KALRN: variants seen among roughly 807,000 people sequenced by gnomAD.
The protein encoded by KALRN is kalirin RhoGEF kinase.
A neutral mutation model predicts 353.7 loss-of-function variants in KALRN; 70 were observed. The observed-to-expected ratio is 0.20, with a 90% CI of 0.16 to 0.24. The LOEUF is 0.24. KALRN is among the 10% of genes least tolerant of loss of function. The probability of loss-of-function intolerance (pLI) is 1.00; values close to 1 mark genes in which losing one functional copy is unlikely to be tolerated. For synonymous variants in KALRN, 1,391 were observed against 1,434.8 expected, an observed-to-expected ratio of 0.97 and a Z score of 0.69; for missense variants, 2,791 against 3,756.7, an observed-to-expected ratio of 0.74 and a Z score of 6.72.
intron 6 of KALRN, among the ~76,000 whole-genome samples, chr3:124,305,944 T>G (rs1580750148): frequency 6.6e-6 from 1 of 152,262 alleles, no homozygotes; most frequent in Middle Eastern, 3.4e-3. Context: ...AGCAACCAGA[T>G]GTCAGATTTT....
At position 124,654,131 on chromosome 3, in the gene KALRN, G is replaced by A. The variant is rs989884546; in HGVS notation, c.5796-1470G>A. On this transcript the variant is annotated intron_variant, in intron 38 of 59. Coordinates refer to ENST00000682506, the MANE Select transcript of KALRN (RefSeq NM_001388419.1). Reference sequence around the variant, plus strand: ...CCCATATTCCCACTCTAACTTTCCTGTGGGTTTTCTTTTGCCACTTTCTAC... The same window carrying A: ...CCCATATTCCCACTCTAACTTTCCTATGGGTTTTCTTTTGCCACTTTCTAC... Among the ~76,000 whole-genome samples the A allele has an allele frequency of 6.6e-5, 10 of 152,220 alleles. No homozygotes were observed. In the East Asian group the frequency reaches 1.7e-3, roughly 26 times the overall value.
intron 49 of KALRN, among the ~76,000 whole-genome samples, chr3:124,675,626 G>A (rs964733015): frequency 2.0e-5 from 3 of 149,994 alleles, no homozygotes; most frequent in South Asian, 2.1e-4. Flanking sequence ...GTTCTGACCC[G>A]GGCCTTCCCT....
chr3:124,046,764 T>C (rs1444257238), intron 1 of KALRN, among the ~76,000 whole-genome samples: 1 of 152,220 alleles, frequency 6.6e-6, no homozygotes, highest in Non-Finnish European at 1.5e-5. Context: ...TTGGAGGCCC[T>C]ACTTTGGAAA....
At chr3:124,513,062 G>T (rs1324375333) in intron 33 of KALRN, among the ~76,000 whole-genome samples, 1 of 152,146 alleles carries the variant, frequency 6.6e-6, no homozygotes, top group Non-Finnish European at 1.5e-5. Flanking sequence ...GTCAGACAGT[G>T]AATTCAGGCT....
In KALRN at chr3:124,591,720, A is replaced by G. The variant is rs9854662; in HGVS notation, c.5182+28631A>G. On this transcript the variant is annotated intron_variant, in intron 34 of 59. Coordinates refer to ENST00000682506, the MANE Select transcript of KALRN (RefSeq NM_001388419.1). Reference sequence around the variant, plus strand: ...TATTAACCATAGCAGTAATTGTAATACTAGACATAGACCCCATCCTCAGGG... The same window carrying G: ...TATTAACCATAGCAGTAATTGTAATGCTAGACATAGACCCCATCCTCAGGG... Among the ~76,000 whole-genome samples the G allele has an allele frequency of 3.3e-5, 5 of 152,336 alleles. No individual in the cohort carries two copies. In the South Asian group the frequency reaches 8.3e-4, roughly 25 times the overall value.
intron 1 of KALRN, among the ~76,000 whole-genome samples, chr3:124,150,830 A>C (rs2067998132): frequency 1.3e-5 from 2 of 152,168 alleles, no homozygotes. Context: ...CATTATGAGC[A>C]CCCTAGAACA....
At chr3:124,715,324 G>A (rs1476772177) in intron 58 of KALRN, among the ~76,000 whole-genome samples, 1 of 152,154 alleles carries the variant, frequency 6.6e-6, no homozygotes, top group African/African-American at 2.4e-5. Context: ...CTCCCCTTAG[G>A]TGGTCACCAG....
In KALRN at chr3:124,269,230, G is replaced by A. The variant is rs1458418566; in HGVS notation, c.944G>A (p.Arg315Gln). 1 of 1,600,382 alleles carries A rather than the reference G, an allele frequency of 6.2e-7. No individual in the cohort carries two copies. Among genetic ancestry groups the A allele is most frequent in the Non-Finnish European group, 8.6e-7 (1 of 1,169,576 alleles). Reference sequence around the variant, plus strand: ...AAGCTGGACCAGTGCTTTCAGCTGCGGCTCTTCGAGCAGGATGCTGAGAAG... The same window carrying A: ...AAGCTGGACCAGTGCTTTCAGCTGCAGCTCTTCGAGCAGGATGCTGAGAAG... Reference protein sequence around the residue: ...KLKLDQCFQLRLFEQDAEKMF... With the variant: ...KLKLDQCFQLQLFEQDAEKMF... The change falls in exon 5 of 60, where the codon CGG becomes CAG. Residue 315 changes from arginine to glutamine, a missense_variant. Physicochemically the swap from Arg to Gln is conservative, Grantham distance 43. Around this residue, in one of 11 missense-constraint regions of KALRN, gnomAD observed 366 missense variants for 489.2 expected, o/e 0.75. Transcript: ENST00000682506.
At chr3:124,146,920 T>TTAGTAAA (rs1424155899) in intron 1 of KALRN, among the ~76,000 whole-genome samples, 2 of 128,330 alleles carry the variant, frequency 1.6e-5, no homozygotes, top group Non-Finnish European at 3.4e-5. Flanking sequence ...GAGGTGGGGG[T>TTAGTAAA]TAGTAAATCC....
At chr3:124,429,363 G>A (rs760831410) in intron 15 of KALRN, among the ~76,000 whole-genome samples, 1 of 152,150 alleles carries the variant, frequency 6.6e-6, no homozygotes, top group Non-Finnish European at 1.5e-5. Flanking sequence ...ACTGGGCTTG[G>A]TATTTTCTAA....
chr3:124,325,012 G>GAAA (rs2149395691), intron 6 of KALRN, among the ~76,000 whole-genome samples: 1 of 152,290 alleles, frequency 6.6e-6, no homozygotes, highest in Non-Finnish European at 1.5e-5. Context: ...TGACACCTCA[G>GAAA]ACAACTAATA....
rs546694401 is a variant in KALRN, at chr3:124,532,335, G to A, written c.4936-30508G>A. On this transcript the variant is annotated intron_variant, in intron 33 of 59. Transcript: ENST00000682506. ...CGTAGCTTGTGGTATCACTGCCAGG[G>A]CAAATTCCAATGTAAACCACATTCA... Among the ~76,000 whole-genome samples the A allele has an allele frequency of 9.2e-5, 14 of 152,306 alleles. No individual in the cohort carries two copies. In the South Asian group the frequency reaches 2.9e-3, roughly 32 times the overall value.
At chr3:124,145,375 T>G (rs2067205907) in intron 1 of KALRN, among the ~76,000 whole-genome samples, 1 of 152,190 alleles carries the variant, frequency 6.6e-6, no homozygotes, top group Non-Finnish European at 1.5e-5. Context: ...ATGCCCAAGC[T>G]TCACCCCAGA....
chr3:124,355,789 C>T (rs1306400518), intron 10 of KALRN, among the ~76,000 whole-genome samples: 1 of 138,074 alleles, frequency 7.2e-6, no homozygotes, highest in Non-Finnish European at 1.5e-5. Flanking sequence ...AACCTTGGCT[C>T]ACTGCAATCT....
chr3:124,386,452 T>C (rs576258326), intron 11 of KALRN, among the ~76,000 whole-genome samples: 2 of 152,204 alleles, frequency 1.3e-5, no homozygotes, highest in South Asian at 2.1e-4. Flanking sequence ...TCCATGGAAC[T>C]ACCACTCCCA....
chr3:124,190,387 C>T (rs994097794), intron 1 of KALRN, among the ~76,000 whole-genome samples: 3 of 152,154 alleles, frequency 2.0e-5, no homozygotes, highest in Non-Finnish European at 4.4e-5. Context: ...ACTATTTCTG[C>T]ATTCATCTGT....
chr3:124,519,681 AAG>A, intron 33 of KALRN: 1 of 985,438 alleles, frequency 1.0e-6, no homozygotes, highest in Non-Finnish European at 1.2e-6. Context: ...TCTCAATGCA[AAG>A]TGTCATTCTC....
intron 1 of KALRN, among the ~76,000 whole-genome samples, chr3:124,102,707 G>A (rs2061978816): frequency 6.6e-6 from 1 of 152,192 alleles, no homozygotes; most frequent in African/African-American, 2.4e-5. Context: ...TTCCCTGAGG[G>A]CAAGCCCTTG....
chr3:124,258,846 G>A (rs1185434461), intron 3 of KALRN, among the ~76,000 whole-genome samples: 1 of 152,242 alleles, frequency 6.6e-6, no homozygotes, highest in East Asian at 1.9e-4. Context: ...TTTGAGACCT[G>A]CTGATTCAGA....
Sources: allele counts gnomAD v4.1 joint callset (sites outside exome capture counted in the v4.1 genomes callset), GRCh38; gene constraint gnomAD v4.1.1; regional missense constraint gnomAD v4.1.1; transcripts MANE v1.5; gene names NCBI Gene and HGNC (gene_info 2026-07-23, HGNC 2026-07-21).